The following CST1 variants were observed in gnomAD, a reference collection of about 807,000 sequenced individuals.
CST1 encodes cystatin-SN.
CST1 carries 19 observed loss-of-function variants against 10.7 expected under a neutral mutation model. That is an observed-to-expected ratio of 1.78 (90% CI 1.24 to 2.61). The LOEUF (loss-of-function observed/expected upper bound fraction) is 2.61. Among genes scored for constraint, CST1 ranks in the 30% most tolerant of loss-of-function variants. The pLI, the probability that CST1 is intolerant of heterozygous loss-of-function variation, is 0.00. For missense variants in CST1, 247 were observed against 178.1 expected (o/e 1.39, Z -2.20); for synonymous variants, 95 against 72.8 (o/e 1.31, Z -1.55).
intron 2 of CST1, among the ~76,000 whole-genome samples, chr20:23,748,779 C>G (rs567450542): frequency 6.6e-6 from 1 of 152,038 alleles, no homozygotes; most frequent in Non-Finnish European, 1.5e-5. Flanking sequence ...CACACATGCT[C>G]CCATCCACCT....
chr20:23,750,794 C>T lies in CST1; in HGVS notation c.73G>A (p.Glu25Lys). 3 of 1,614,130 alleles carry T rather than the reference C, an allele frequency of 1.9e-6. No individual in the cohort carries two copies. The highest frequency in any genetic ancestry group is 1.7e-6 in the Non-Finnish European group (2 of 1,180,020). Residue 25 changes from glutamate to lysine, a missense_variant, in exon 1 of 3, where the codon GAG becomes AAG. Physicochemically the swap from Glu to Lys is moderately conservative, Grantham distance 56. Transcript: ENST00000304749. ...CCACCCGGGATTATCCTATCCTCCT[C>T]CTTGGGGCTCCAGGCCAGGGCCACA... ...LAVALAWSPK[E>K]EDRIIPGGIY...
At chr20:23,748,330 A>G (rs542225167) in intron 2 of CST1, among the ~76,000 whole-genome samples, 1 of 152,096 alleles carries the variant, frequency 6.6e-6, no homozygotes, top group Non-Finnish European at 1.5e-5. Context: ...GGCAAGGGCA[A>G]CAAGGGGAGT....
intron 1 of CST1, among the ~76,000 whole-genome samples, chr20:23,750,028 C>T (rs1303521819): frequency 6.6e-6 from 1 of 151,826 alleles, no homozygotes; most frequent in Non-Finnish European, 1.5e-5. Context: ...AGTTGCCCTG[C>T]TGAAGCTCCC....
At chr20:23,748,511 G>T (rs1242889480) in intron 2 of CST1, among the ~76,000 whole-genome samples, 1 of 152,108 alleles carries the variant, frequency 6.6e-6, no homozygotes. Flanking sequence ...GGATTAGACA[G>T]AGCCCCTTCT....
At position 23,750,887 on chromosome 20, in the gene CST1, A is replaced by T; in HGVS notation, c.-21T>A. On this transcript the variant is annotated 5_prime_UTR_variant, in exon 1 of 3. Transcript: ENST00000304749. ...GCCATGGTCTCCTCAGAGGCAGAGC[A>T]CAAAGCTGGAGCTGCAGGAGAGGAG... The T allele has an allele frequency of 2.5e-6, 4 of 1,582,028 alleles. No individual in the cohort carries two copies. In the Middle Eastern group the frequency reaches 5.3e-4, roughly 208 times the overall value.
intron 2 of CST1, among the ~76,000 whole-genome samples, chr20:23,748,500 G>A (rs940669490): frequency 2.0e-5 from 3 of 152,082 alleles, no homozygotes; most frequent in Non-Finnish European, 4.4e-5. Context: ...GCCTGAGGCT[G>A]GGATTAGACA....
At chr20:23,748,490 G>T (rs1329290890) in intron 2 of CST1, among the ~76,000 whole-genome samples, 9 of 152,070 alleles carry the variant, frequency 5.9e-5, no homozygotes. Flanking sequence ...GCATGCAGGT[G>T]CCTGAGGCTG....
chr20:23,750,537 A>G lies in CST1; in HGVS notation c.228+102T>C. The G allele has an allele frequency of 3.8e-6, 4 of 1,051,802 alleles. No homozygotes were observed. The South Asian group carries it at 4.4e-5, about 11-fold the overall frequency. 65.2% of individuals were successfully genotyped at this position (1,051,802 alleles called of 1,614,324 possible). A position where few individuals can be genotyped will look rare whatever the true frequency, so the allele number is the denominator to read the frequency against. ...GGAAAGCTGAATGAATCTGAGCATT[A>G]GATCATGAATGTATCAGTGTTGATT... On this transcript the variant is annotated intron_variant, in intron 1 of 2. Coordinates refer to ENST00000304749, the MANE Select transcript of CST1 (RefSeq NM_001898.3).
At chr20:23,748,941 G>A in intron 2 of CST1, 75 bp downstream of exon 2, 3 of 1,518,826 alleles carry the variant, frequency 2.0e-6, no homozygotes, top group Non-Finnish European at 9.1e-7. Context: ...CTCCAAACAT[G>A]TGTAGGGCAG....
intron 1 of CST1, among the ~76,000 whole-genome samples, chr20:23,749,643 GC>G (rs961521291): frequency 6.6e-6 from 1 of 152,000 alleles, no homozygotes; most frequent in African/African-American, 2.4e-5. Flanking sequence ...CCTGCATAGG[GC>G]CTTTCCCAGA....
Position 23,750,640 on chromosome 20 carries a change from T to A in CST1, c.227A>T (p.Gln76Leu), listed in dbSNP as rs200297144. 2.9e-5 allele frequency: 47 copies of A among 1,613,630 alleles called. No homozygotes were observed. Among genetic ancestry groups the A allele is most frequent in the Non-Finnish European group, 3.9e-5 (46 of 1,179,968 alleles). Residue 76 changes from glutamine (Q) to leucine (L), a missense_variant and splice_region_variant, in exon 1 of 3, where the codon CAG becomes CTG. By Grantham distance (113) the Gln-to-Leu change is moderately radical. Coordinates refer to ENST00000304749, the MANE Select transcript of CST1 (RefSeq NM_001898.3). ...CCCTGGGGTGGAGGGAGCACCTACC[T>A]GTTGCCTGGCTCTTAGTACCCGCAG... ...RPLRVLRARQ[Q>L]TVGGVNYFFD...
At chr20:23,750,599 G>A (rs1568748321) in intron 1 of CST1, 40 bp downstream of exon 1, 2 of 1,591,138 alleles carry the variant, frequency 1.3e-6, no homozygotes, top group Admixed American at 3.3e-5. Flanking sequence ...GAACAAACCA[G>A]GCTGGGACCC....
At chr20:23,747,934 G>T (rs534480246) in intron 2 of CST1, 35 bp from the exon 3 acceptor site, 1 of 1,589,628 alleles carries the variant, frequency 6.3e-7, no homozygotes, top group Admixed American at 1.7e-5. Context: ...AATCAGTGTG[G>T]GTTACAGTTA....
rs928778206 is a variant in CST1 at position 23,747,659 on chromosome 20, C to A, written c.*157G>T. 77 of 666,754 alleles carry A rather than the reference C, an allele frequency of 1.2e-4. No individual in the cohort carries two copies. The highest frequency in any genetic ancestry group is 1.8e-4 in the Non-Finnish European group (67 of 380,920). 41.3% of individuals were successfully genotyped at this position (666,754 alleles called of 1,614,324 possible). On this transcript the variant is annotated 3_prime_UTR_variant, in exon 3 of 3. Coordinates refer to ENST00000304749, the MANE Select transcript of CST1 (RefSeq NM_001898.3). ...GAAGGAGGGAGGGCAGAGCGCCCTG[C>A]TGAGCAACAAAGGACTCCTGCAGCC...
intron 1 of CST1, among the ~76,000 whole-genome samples, chr20:23,749,840 G>A (rs1297128002): frequency 1.3e-5 from 2 of 149,992 alleles, no homozygotes; most frequent in African/African-American, 4.9e-5. Flanking sequence ...CAGGCCAGCG[G>A]GGACCACGGC....
At chr20:23,748,930 C>CT in intron 2 of CST1, 86 bp downstream of exon 2, 1 of 1,359,780 alleles carries the variant, frequency 7.4e-7, no homozygotes, top group Non-Finnish European at 1.0e-6. Context: ...ACACACACAC[C>CT]CTCCAAACAT....
rs1982702630 is a variant in CST1 at position 23,747,772 on chromosome 20, GT to G, written c.*43del. On this transcript the variant is annotated 3_prime_UTR_variant, in exon 3 of 3. Coordinates refer to ENST00000304749, the MANE Select transcript of CST1 (RefSeq NM_001898.3). ...TCCAGGGGTGGGAGCACTACAGGGG[GT>G]GGGAGTGGGTGGTGGCTGGTGCGAA... The G allele has an allele frequency of 1.9e-6, 3 of 1,584,554 alleles. No homozygotes were observed. Among genetic ancestry groups the G allele is most frequent in the Non-Finnish European group, 2.6e-6 (3 of 1,154,690 alleles).
intron 2 of CST1, among the ~76,000 whole-genome samples, chr20:23,748,239 C>T (rs1235105114): frequency 6.6e-6 from 1 of 152,104 alleles, no homozygotes; most frequent in East Asian, 1.9e-4. Flanking sequence ...CTTCCACCTC[C>T]AGCACCCAGG....
chr20:23,749,033 G>A lies in CST1; in HGVS notation c.325C>T (p.Gln109Ter). ...GAACGTACCTTCTGCAGTTCTGGCT[G>A]TTCATGGAAGGCACAGGTGTCCAAG... ...PNLDTCAFHE[Q>*]PELQKKQLCS... Residue 109 changes from glutamine (Q) to a stop codon, truncating the protein, a stop_gained, in exon 2 of 3, where the codon CAG (glutamine) becomes TAG (stop). Transcript: ENST00000304749. LOFTEE classifies it low-confidence loss of function (END_TRUNC). 6.2e-7 allele frequency: 1 copy of A among 1,614,198 alleles called. No individual in the cohort carries two copies. Among genetic ancestry groups the A allele is most frequent in the South Asian group, 1.1e-5 (1 of 91,088 alleles).
Sources: gnomAD v4.1 joint callset for allele counts (sites outside exome capture counted in the v4.1 genomes callset) on GRCh38, gnomAD v4.1.1 for gene constraint, MANE v1.5 for transcripts, NCBI Gene and HGNC (gene_info 2026-07-23, HGNC 2026-07-21) for gene names.